The following RPRD1B variants were observed in gnomAD, a reference collection of about 807,000 sequenced individuals.
RPRD1B encodes regulation of nuclear pre-mRNA domain containing 1B.
Under a neutral mutation model 41.5 loss-of-function variants are expected in RPRD1B, and 11 were observed. That is an observed-to-expected ratio of 0.27 (90% confidence interval 0.17 to 0.44). The LOEUF (loss-of-function observed/expected upper bound fraction) is 0.44, where lower values mean the gene tolerates loss of function less well. RPRD1B is among the 20% of genes least tolerant of loss of function. RPRD1B has a pLI of 1.00. For synonymous variants in RPRD1B, 158 were observed against 155.6 expected (o/e 1.02, Z -0.12); for missense variants, 248 against 389.9 (o/e 0.64, Z 3.06).
intron 3 of RPRD1B, among the ~76,000 whole-genome samples, chr20:38,050,700 T>C (rs908600771): frequency 1.5e-4 from 23 of 152,328 alleles, no homozygotes; most frequent in Non-Finnish European, 2.5e-4. Context: ...AGTGATAGTA[T>C]TGGGAATAGC....
At chr20:38,046,063 G>GGCTA (rs759857872) in intron 2 of RPRD1B, among the ~76,000 whole-genome samples, 1 of 152,062 alleles carries the variant, frequency 6.6e-6, no homozygotes, top group Non-Finnish European at 1.5e-5. Flanking sequence ...GTTCAATTTT[G>GGCTA]GCTATTCCAT....
At chr20:38,046,146 C>T (rs116021655) in intron 2 of RPRD1B, among the ~76,000 whole-genome samples, 2 of 152,176 alleles carry the variant, frequency 1.3e-5, no homozygotes, top group African/African-American at 2.4e-5. Context: ...CAAATACATA[C>T]GGGTGGGTGT....
At position 38,057,769 on chromosome 20, in the gene RPRD1B, C is replaced by A. The variant is rs1162035953; in HGVS notation, c.528+125C>A. On this transcript the variant is annotated intron_variant, in intron 4 of 6. Coordinates refer to ENST00000373433, the MANE Select transcript of RPRD1B (RefSeq NM_021215.4). ...TCATCAGAGGGCACCTCTCAGGGGC[C>A]CCGTGCATCATCCTGCCCAAAGGAG... The A allele has an allele frequency of 2.4e-5, 15 of 633,496 alleles. No homozygotes were observed. In the East Asian group the frequency reaches 4.1e-4, roughly 17 times the overall value. The allele number at this position is 633,496 out of a possible 1,614,324, so 39.2% of individuals were successfully genotyped here.
chr20:38,078,226 T>C (rs2074482688), intron 6 of RPRD1B, among the ~76,000 whole-genome samples: 1 of 151,994 alleles, frequency 6.6e-6, no homozygotes, highest in Non-Finnish European at 1.5e-5. Context: ...CTGTGCCCTA[T>C]GACTTGGCCC....
In RPRD1B at chr20:38,091,025, T is replaced by TA; in HGVS notation, c.*1151dup. ...TATTAATTGGGGGTTTTAATTCTAT[T>TA]ATCATGTCAGCTGACATTATGACTA... On this transcript the variant is annotated 3_prime_UTR_variant, in exon 7 of 7. Coordinates refer to ENST00000373433, the MANE Select transcript of RPRD1B (RefSeq NM_021215.4). 5 of 985,782 alleles carry TA rather than the reference T, an allele frequency of 5.1e-6. No individual in the cohort carries two copies. The highest frequency in any genetic ancestry group is 4.8e-6 in the Non-Finnish European group (4 of 829,916). The allele number at this position is 985,782 out of a possible 1,614,324, so 61.1% of individuals were successfully genotyped here.
In RPRD1B at chr20:38,090,458, A is replaced by G; in HGVS notation, c.*583A>G. The G allele has an allele frequency of 5.1e-6, 5 of 985,970 alleles. No individual in the cohort carries two copies. The highest frequency in any genetic ancestry group is 4.8e-6 in the Non-Finnish European group (4 of 830,010). The allele number at this position is 985,970 out of a possible 1,614,324, so 61.1% of individuals were successfully genotyped here. A position where few individuals can be genotyped will look rare whatever the true frequency, so the allele number is the denominator to read the frequency against. ...CTAGTGATGCACGAAGATTAGGTGC[A>G]TTTATTTTGTAAACAGATTGGAGAA... On this transcript the variant is annotated 3_prime_UTR_variant, in exon 7 of 7. Transcript: ENST00000373433.
intron 6 of RPRD1B, among the ~76,000 whole-genome samples, chr20:38,081,323 A>T (rs1422989301): frequency 6.6e-6 from 1 of 151,040 alleles, no homozygotes; most frequent in Non-Finnish European, 1.5e-5. Flanking sequence ...GGCTTTTGTG[A>T]ATGAAATTGT....
chr20:38,090,536 CAG>C lies in RPRD1B; in HGVS notation c.*663_*664del, dbSNP rs2074603629. 3.0e-6 allele frequency: 3 copies of C among 985,768 alleles called. No individual in the cohort carries two copies. Among genetic ancestry groups the C allele is most frequent in the Non-Finnish European group, 3.6e-6 (3 of 829,948 alleles). 61.1% of individuals were successfully genotyped at this position (985,768 alleles called of 1,614,324 possible). A position where few individuals can be genotyped will look rare whatever the true frequency, so the allele number is the denominator to read the frequency against. On this transcript the variant is annotated 3_prime_UTR_variant, in exon 7 of 7. Transcript: ENST00000373433. ...GGAGCATAAAGGCACAGTTCAGAGA[CAG>C]AATAACAGGGATCACAAGCATGAAT...
At chr20:38,035,164 G>A (rs2073986655) in intron 1 of RPRD1B, among the ~76,000 whole-genome samples, 1 of 152,134 alleles carries the variant, frequency 6.6e-6, no homozygotes, top group South Asian at 2.1e-4. Context: ...GCAGATTATG[G>A]TGAGATGAGA....
At chr20:38,065,301 G>A (rs1007560955) in intron 5 of RPRD1B, among the ~76,000 whole-genome samples, 1 of 151,996 alleles carries the variant, frequency 6.6e-6, no homozygotes, top group South Asian at 2.1e-4. Flanking sequence ...TTTTTCTGGC[G>A]GGGAGGGGGT....
intron 5 of RPRD1B, among the ~76,000 whole-genome samples, chr20:38,065,037 G>A (rs973231041): frequency 6.6e-6 from 1 of 151,628 alleles, no homozygotes; most frequent in South Asian, 2.1e-4. Flanking sequence ...TAGTAAGAAT[G>A]GGTATTTTAT....
intron 6 of RPRD1B, among the ~76,000 whole-genome samples, chr20:38,087,855 T>C (rs2074576096): frequency 6.6e-6 from 1 of 152,230 alleles, no homozygotes; most frequent in Non-Finnish European, 1.5e-5. Context: ...CCTGATGTTA[T>C]GTTTTAGATA....
At chr20:38,060,977 A>G (rs2122727561) in intron 5 of RPRD1B, among the ~76,000 whole-genome samples, 1 of 152,346 alleles carries the variant, frequency 6.6e-6, no homozygotes, top group East Asian at 1.9e-4. Flanking sequence ...GGACCACTTC[A>G]TTTATTCTTA....
rs2074615700 is a variant in RPRD1B at position 38,092,010 on chromosome 20, T to A, written c.*2135T>A. On this transcript the variant is annotated 3_prime_UTR_variant, in exon 7 of 7. Coordinates refer to ENST00000373433, the MANE Select transcript of RPRD1B (RefSeq NM_021215.4). Reference sequence around the variant, plus strand: ...TTCGTTTTTTAAATCTTAATTCTGCTGTCCACATCCTCCCAAAGTGTGCTT... The same window carrying A: ...TTCGTTTTTTAAATCTTAATTCTGCAGTCCACATCCTCCCAAAGTGTGCTT... 5.1e-6 allele frequency: 5 copies of A among 985,758 alleles called. No homozygotes were observed. The highest frequency in any genetic ancestry group is 6.0e-6 in the Non-Finnish European group (5 of 829,920). The allele number at this position is 985,758 out of a possible 1,614,324, so 61.1% of individuals were successfully genotyped here. A position where few individuals can be genotyped will look rare whatever the true frequency, so the allele number is the denominator to read the frequency against.
At chr20:38,057,789 A>G in intron 4 of RPRD1B, 145 bp downstream of exon 4, 1 of 574,170 alleles carries the variant, frequency 1.7e-6, no homozygotes, top group Admixed American at 3.0e-5. Context: ...ATCCTGCCCA[A>G]AGGAGCTTGC....
intron 4 of RPRD1B, among the ~76,000 whole-genome samples, chr20:38,057,934 A>G (rs2074260774): frequency 6.6e-6 from 1 of 152,214 alleles, no homozygotes; most frequent in South Asian, 2.1e-4. Flanking sequence ...GGAGAAAGGG[A>G]TAGATAATAT....
chr20:38,059,457 C>A lies in RPRD1B; in HGVS notation c.592C>A (p.Arg198=), dbSNP rs1408994037. The A allele has an allele frequency of 6.2e-7, 1 of 1,613,830 alleles. No homozygotes were observed. Among genetic ancestry groups the A allele is most frequent in the South Asian group, 1.1e-5 (1 of 91,076 alleles). Residue 198 remains arginine, a synonymous_variant, in exon 5 of 7, where the codon CGA becomes AGA. Transcript: ENST00000373433. ...TGCCGCATCAGGGGATGCTACTGTC[C>A]GACAGAAAATTGCTTCTCTGCCCCA... The part of the protein sequence containing the change: ...ENAASGDATV[R]QKIASLPQEV...
chr20:38,071,339 T>C (rs2074411266), intron 6 of RPRD1B, among the ~76,000 whole-genome samples: 1 of 152,262 alleles, frequency 6.6e-6, no homozygotes, highest in South Asian at 2.1e-4. Flanking sequence ...GCACGATGTT[T>C]TCAAGATTCA....
Position 38,063,952 on chromosome 20 carries a change from G to A in RPRD1B, c.656-2129G>A, listed in dbSNP as rs779887381. On this transcript the variant is annotated intron_variant, in intron 5 of 6. Transcript: ENST00000373433. ...TATTTCCTTTGTAAAAGTTCTTGAGGCTGCAAATTGATTTTCTTTTTAATC... is the reference window on the plus strand; with the variant it reads ...TATTTCCTTTGTAAAAGTTCTTGAGACTGCAAATTGATTTTCTTTTTAATC... Among the ~76,000 whole-genome samples, 4 of 152,290 alleles carry A rather than the reference G, an allele frequency of 2.6e-5. No individual in the cohort carries two copies. The East Asian group carries it at 7.7e-4, about 29-fold the overall frequency.
Sources: gnomAD v4.1 joint callset for allele counts (sites outside exome capture counted in the v4.1 genomes callset) on GRCh38, gnomAD v4.1.1 for gene constraint, MANE v1.5 for transcripts, NCBI Gene and HGNC (gene_info 2026-07-23, HGNC 2026-07-21) for gene names.